The following TET1 variants were observed in gnomAD, a reference collection of about 807,000 sequenced individuals.
TET1 encodes methylcytosine dioxygenase TET1.
TET1 carries 13 observed loss-of-function variants against 148.7 expected under a neutral mutation model. That is an observed-to-expected ratio of 0.09 (90% CI 0.06 to 0.14). The LOEUF is 0.14. TET1 is among the 10% of genes least tolerant of loss of function. TET1 has a pLI of 1.00. For missense variants in TET1, 2,182 were observed against 2,553.8 expected (o/e 0.85, Z 3.14); for synonymous variants, 907 against 937.2 (o/e 0.97, Z 0.59).
intron 3 of TET1, among the ~76,000 whole-genome samples, chr10:68,606,501 A>G (rs957486706): frequency 1.3e-5 from 2 of 152,260 alleles, no homozygotes; most frequent in Non-Finnish European, 2.9e-5. Context: ...GAGTTTTTAA[A>G]CAGACGGTTA....
Position 68,651,900 on chromosome 10 carries a change from C to G in TET1, c.4331C>G (p.Pro1444Arg), listed in dbSNP as rs747186393. ...TATTATACACACCTTGGGGCAGGAC[C>G]AAGTGTTGCTGCTGTCAGGGAAATC... Reference protein sequence around the residue: ...GPYYTHLGAGPSVAAVREIME... With the variant: ...GPYYTHLGAGRSVAAVREIME... Residue 1444 changes from proline (P) to arginine (R), a missense_variant, in exon 5 of 12, where the codon CCA becomes CGA. Pro to Arg is a moderately radical substitution (Grantham distance 103). Coordinates refer to ENST00000373644, the MANE Select transcript of TET1 (RefSeq NM_030625.3). 37 of 1,613,770 alleles carry G rather than the reference C, an allele frequency of 2.3e-5. No homozygotes were observed. The highest frequency in any genetic ancestry group is 4.5e-5 in the East Asian group (2 of 44,894).
At chr10:68,603,751 C>G (rs909202470) in intron 3 of TET1, among the ~76,000 whole-genome samples, 2 of 152,118 alleles carry the variant, frequency 1.3e-5, no homozygotes, top group African/African-American at 4.8e-5. Context: ...ACTCCAGCCT[C>G]AGGAATAGAA....
intron 2 of TET1, among the ~76,000 whole-genome samples, chr10:68,579,277 A>C (rs1462525963): frequency 1.3e-5 from 2 of 152,236 alleles, no homozygotes; most frequent in African/African-American, 4.8e-5. Context: ...TTTCTCTTGC[A>C]TTACATGTTT....
intron 3 of TET1, among the ~76,000 whole-genome samples, chr10:68,604,089 G>A (rs151293079): frequency 1.9e-3 from 294 of 152,294 alleles, no homozygotes; most frequent in African/African-American, 6.6e-3. Flanking sequence ...CTTGATCTAG[G>A]TAGAGGTGTG....
intron 5 of TET1, among the ~76,000 whole-genome samples, chr10:68,652,270 A>G (rs1289655079): frequency 6.6e-6 from 1 of 152,226 alleles, no homozygotes; most frequent in African/African-American, 2.4e-5. Flanking sequence ...TCTGGCACTC[A>G]GCCTATTTTT....
intron 3 of TET1, among the ~76,000 whole-genome samples, chr10:68,601,432 A>G (rs1427198610): frequency 6.6e-6 from 1 of 152,238 alleles, no homozygotes; most frequent in Non-Finnish European, 1.5e-5. Flanking sequence ...ACTGTCCATT[A>G]AAGGCTATTT....
rs3814177 is a variant in TET1 at position 68,572,309 on chromosome 10, C to T, written c.-30C>T. On this transcript the variant is annotated 5_prime_UTR_variant, in exon 2 of 12. Transcript: ENST00000373644. ...AAAGGACCAATGACTCTGTTTCCTGCGCCCTTTCATTTTTTCCTACTCTGT... is the reference window on the plus strand; with the variant it reads ...AAAGGACCAATGACTCTGTTTCCTGTGCCCTTTCATTTTTTCCTACTCTGT... The T allele has an allele frequency of 0.54, 832,763 of 1,541,820 alleles. 226,678 individuals carry two copies. The highest frequency in any genetic ancestry group is 0.56 in the East Asian group (24,742 of 44,330).
intron 2 of TET1, among the ~76,000 whole-genome samples, chr10:68,589,621 G>A (rs1343654990): frequency 2.0e-5 from 3 of 150,804 alleles, no homozygotes. Flanking sequence ...TCTGGGAGAG[G>A]TTCCAGTGCC....
intron 1 of TET1, 42 bp from the exon 2 acceptor site, chr10:68,572,175 T>G (rs1337074821): frequency 1.7e-6 from 1 of 597,282 alleles, no homozygotes; most frequent in African/African-American, 1.9e-5. Context: ...GGGGAATGCA[T>G]AGGAAAAAGA....
intron 3 of TET1, among the ~76,000 whole-genome samples, chr10:68,634,081 CA>C (rs2054616028): frequency 6.6e-6 from 1 of 152,088 alleles, no homozygotes; most frequent in Admixed American, 6.6e-5. Flanking sequence ...TACGGGGTTT[CA>C]CCATGTTGCC....
At chr10:68,617,006 CTTTTTTTTTTTTTTTTTTTTT>C (rs71019039) in intron 3 of TET1, among the ~76,000 whole-genome samples, 13 of 39,580 alleles carry the variant, frequency 3.3e-4, no homozygotes, top group East Asian at 1.5e-3. Flanking sequence ...CGCGCCTGGC[CTTTTTTTTTTTTTTTTTTTTT>C]TTTTTTTTTT....
chr10:68,561,494 G>C (rs1049747841), intron 1 of TET1, among the ~76,000 whole-genome samples: 1 of 152,166 alleles, frequency 6.6e-6, no homozygotes, highest in South Asian at 2.1e-4. Context: ...GTCGCTGGAC[G>C]CGCTGGCCTT....
At chr10:68,636,272 A>G (rs1564982443) in intron 3 of TET1, among the ~76,000 whole-genome samples, 2 of 152,140 alleles carry the variant, frequency 1.3e-5, no homozygotes, top group African/African-American at 4.8e-5. Context: ...CCAATCTTCA[A>G]TTTGCACGTT....
intron 8 of TET1, chr10:68,673,482 G>T: frequency 2.7e-6 from 1 of 364,106 alleles, no homozygotes; most frequent in Non-Finnish European, 5.6e-6. Flanking sequence ...GGGACACGAG[G>T]CCATGGTGAG....
intron 11 of TET1, among the ~76,000 whole-genome samples, chr10:68,688,315 C>T (rs2055542938): frequency 6.6e-6 from 1 of 151,520 alleles, no homozygotes; most frequent in African/African-American, 2.4e-5. Context: ...CCAAACTGGT[C>T]TCAAACTCCT....
At chr10:68,663,076 A>G (rs2055145617) in intron 6 of TET1, among the ~76,000 whole-genome samples, 1 of 152,238 alleles carries the variant, frequency 6.6e-6, no homozygotes, top group African/African-American at 2.4e-5. Flanking sequence ...AAGTGAGTAT[A>G]CAAAAAGCCC....
chr10:68,664,501 G>A (rs938079955), intron 6 of TET1, among the ~76,000 whole-genome samples: 1 of 142,670 alleles, frequency 7.0e-6, no homozygotes, highest in Non-Finnish European at 1.5e-5. Flanking sequence ...CTCGGCTCCC[G>A]CCTAAGCCTC....
Position 68,693,525 on chromosome 10 carries a change from GA to G in TET1, c.*1713del. 8.6e-6 allele frequency: 2 copies of G among 233,146 alleles called. No homozygotes were observed. The highest frequency in any genetic ancestry group is 1.7e-5 in the Non-Finnish European group (2 of 117,822). The allele number at this position is 233,146 out of a possible 1,614,324, so 14.4% of individuals were successfully genotyped here. ...GAGCTTTTGACTAATCCAAGTAAAG[GA>G]ATATGAAGGGATTGTAAAAAACAAA... On this transcript the variant is annotated 3_prime_UTR_variant, in exon 12 of 12. Coordinates refer to ENST00000373644, the MANE Select transcript of TET1 (RefSeq NM_030625.3).
Position 68,686,685 on chromosome 10 carries a change from G to A in TET1, c.5382G>A (p.Lys1794=), listed in dbSNP as rs745734269. Residue 1794 remains lysine (K), a synonymous_variant, in exon 11 of 12, where the codon AAG becomes AAA. Coordinates refer to ENST00000373644, the MANE Select transcript of TET1 (RefSeq NM_030625.3). The part of the protein sequence containing the change: ...KNNSTTTNNS[K]PSSLPTLGSN... The stretch of plus-strand genomic sequence containing the variant: ...ACTCAACAACAACAAACAACAGTAA[G>A]CCTTCGTCACTGCCAACCTTAGGTG... 23 of 1,613,436 alleles carry A rather than the reference G, an allele frequency of 1.4e-5. No individual in the cohort carries two copies. The Middle Eastern group carries it at 1.7e-3, about 116-fold the overall frequency.
Sources: gnomAD v4.1 joint callset for allele counts (sites outside exome capture counted in the v4.1 genomes callset) on GRCh38, gnomAD v4.1.1 for gene constraint, MANE v1.5 for transcripts, NCBI Gene and HGNC (gene_info 2026-07-23, HGNC 2026-07-21) for gene names.